Variants in USH2A observed in about 807,000 individuals in gnomAD.
The protein encoded by USH2A is usherin.
Under a neutral mutation model 538.9 loss-of-function variants are expected in USH2A, and 443 were observed. The ratio of observed to expected loss-of-function variants is 0.82; its 90% CI spans 0.76 to 0.89. The LOEUF (loss-of-function observed/expected upper bound fraction) is 0.89, where lower values mean the gene tolerates loss of function less well. Ranked by LOEUF, USH2A falls within the 40% of genes least tolerant of loss-of-function variation. The pLI, the probability that USH2A is intolerant of heterozygous loss-of-function variation, is 0.00. For missense variants in USH2A, 6,633 were observed against 6,324.8 expected, an observed-to-expected ratio of 1.05 and a Z score of -1.65; for synonymous variants, 2,413 against 2,273.5, an observed-to-expected ratio of 1.06 and a Z score of -1.75.
intron 32 of USH2A, among the ~76,000 whole-genome samples, chr1:216,014,591 T>G (rs1274415138): frequency 6.6e-6 from 1 of 152,202 alleles, no homozygotes; most frequent in Non-Finnish European, 1.5e-5. Flanking sequence ...AGGCCACTGT[T>G]TGTAAGAGCC....
intron 64 of USH2A, among the ~76,000 whole-genome samples, chr1:215,657,595 C>T (rs963123270): frequency 2.0e-5 from 3 of 152,194 alleles, no homozygotes; most frequent in African/African-American, 7.2e-5. Context: ...CACACTTTTA[C>T]AGATATAGTC....
intron 38 of USH2A, among the ~76,000 whole-genome samples, chr1:215,927,689 G>C (rs1043575666): frequency 1.3e-5 from 2 of 151,936 alleles, no homozygotes; most frequent in Non-Finnish European, 2.9e-5. Flanking sequence ...TGGGCAATAG[G>C]ATCAATCATA....
At chr1:215,918,152 T>C (rs1361261116) in intron 38 of USH2A, among the ~76,000 whole-genome samples, 2 of 152,144 alleles carry the variant, frequency 1.3e-5, no homozygotes, top group African/African-American at 2.4e-5. Context: ...AGCAGATTGG[T>C]TATAAAAGTC....
At chr1:216,167,588 G>T (rs1360687766) in intron 21 of USH2A, among the ~76,000 whole-genome samples, 1 of 152,184 alleles carries the variant, frequency 6.6e-6, no homozygotes, top group Middle Eastern at 3.4e-3. Flanking sequence ...CACGTGGACA[G>T]CCCACCCCAA....
chr1:215,664,590 G>T (rs1444403699), intron 64 of USH2A, among the ~76,000 whole-genome samples: 2 of 152,140 alleles, frequency 1.3e-5, no homozygotes, highest in Non-Finnish European at 2.9e-5. Context: ...CCACTACTCT[G>T]CCCATAGAAT....
At chr1:215,651,084 A>G (rs2102645447) in intron 64 of USH2A, among the ~76,000 whole-genome samples, 1 of 152,270 alleles carries the variant, frequency 6.6e-6, no homozygotes, top group South Asian at 2.1e-4. Context: ...AGCCTAATGA[A>G]AAAACTGCTC....
chr1:215,796,202 T>A (rs1662129906), intron 50 of USH2A, among the ~76,000 whole-genome samples: 1 of 152,096 alleles, frequency 6.6e-6, no homozygotes, highest in Admixed American at 6.5e-5. Flanking sequence ...CATATAGTAG[T>A]TTAGTATCAC....
At chr1:215,738,381 T>C (rs912354583) in intron 60 of USH2A, among the ~76,000 whole-genome samples, 1 of 152,126 alleles carries the variant, frequency 6.6e-6, no homozygotes, top group African/African-American at 2.4e-5. Context: ...TTGTGACTTA[T>C]ATATAGTCAA....
At chr1:216,402,870 C>T (rs924985796) in intron 3 of USH2A, among the ~76,000 whole-genome samples, 27 of 151,874 alleles carry the variant, frequency 1.8e-4, no homozygotes, top group African/African-American at 5.6e-4. Flanking sequence ...GCTAAAGCAG[C>T]GTGGAAGGGG....
At chr1:216,080,991 T>TA (rs2031923994) in intron 26 of USH2A, among the ~76,000 whole-genome samples, 1 of 152,010 alleles carries the variant, frequency 6.6e-6, no homozygotes, top group Non-Finnish European at 1.5e-5. Flanking sequence ...TTTCTACATC[T>TA]AAAATATATT....
chr1:216,250,789 C>T (rs2036142847), intron 12 of USH2A, 114 bp downstream of exon 12: 24 of 1,077,550 alleles, frequency 2.2e-5, no homozygotes, highest in Admixed American at 6.9e-5. Context: ...GTTTTTTTTT[C>T]CAGCCTGTCT....
intron 40 of USH2A, among the ~76,000 whole-genome samples, chr1:215,899,316 TA>T (rs1198233349): frequency 6.6e-6 from 1 of 152,198 alleles, no homozygotes; most frequent in Non-Finnish European, 1.5e-5. Flanking sequence ...TTCACAAGAT[TA>T]ACTCAAAAAA....
intron 32 of USH2A, among the ~76,000 whole-genome samples, chr1:216,019,149 C>T (rs2102499612): frequency 6.6e-6 from 1 of 152,136 alleles, no homozygotes; most frequent in Middle Eastern, 3.4e-3. Context: ...TACAATACTT[C>T]AAAAAGGAGA....
chr1:215,944,389 A>G (rs961171901), intron 37 of USH2A, among the ~76,000 whole-genome samples: 1 of 152,196 alleles, frequency 6.6e-6, no homozygotes, highest in African/African-American at 2.4e-5. Context: ...TCCTGAATAA[A>G]GGGAGCAATT....
intron 38 of USH2A, among the ~76,000 whole-genome samples, chr1:215,930,694 A>C (rs1426836306): frequency 1.3e-5 from 2 of 152,046 alleles, no homozygotes; most frequent in East Asian, 3.9e-4. Flanking sequence ...ATTAAGGGAC[A>C]TCACCAATGT....
At chr1:216,153,071 C>T (rs2033871565) in intron 21 of USH2A, among the ~76,000 whole-genome samples, 2 of 152,178 alleles carry the variant, frequency 1.3e-5, no homozygotes, top group Admixed American at 1.3e-4. Context: ...CATCTTCCCA[C>T]TCCATCCCCT....
intron 35 of USH2A, among the ~76,000 whole-genome samples, chr1:215,991,248 A>G (rs1394003735): frequency 2.0e-5 from 3 of 152,192 alleles, no homozygotes; most frequent in Non-Finnish European, 4.4e-5. Context: ...ATATGTTATA[A>G]GGCAATGTGT....
In USH2A at chr1:216,037,083, G is replaced by A. The variant is rs2030019374; in HGVS notation, c.6325+9348C>T. On this transcript the variant is annotated intron_variant, in intron 32 of 71. Coordinates refer to ENST00000307340, the MANE Select transcript of USH2A (RefSeq NM_206933.4). The stretch of plus-strand genomic sequence containing the variant: ...CTGGGAATTTAACCATGTCAATGCA[G>A]TCTTTTTTACATTATTAACTGAAGA... Among the ~76,000 whole-genome samples the A allele has an allele frequency of 2.0e-5, 3 of 152,194 alleles. No homozygotes were observed. In the South Asian group the frequency reaches 6.2e-4, roughly 32 times the overall value.
At chr1:215,787,463 G>A (rs1021063396) in intron 51 of USH2A, among the ~76,000 whole-genome samples, 15 of 152,004 alleles carry the variant, frequency 9.9e-5, no homozygotes, top group African/African-American at 2.2e-4. Context: ...AATTATTTAC[G>A]CTTATAAACA....
Sources: allele counts gnomAD v4.1 joint callset (sites outside exome capture counted in the v4.1 genomes callset), GRCh38; gene constraint gnomAD v4.1.1; transcripts MANE v1.5; gene names NCBI Gene and HGNC (gene_info 2026-07-23, HGNC 2026-07-21).